Variants in AUH observed in about 807,000 individuals in gnomAD.
AUH encodes the protein methylglutaconyl-CoA hydratase, mitochondrial.
AUH carries 29 observed loss-of-function variants against 42.3 expected under a neutral mutation model. The observed-to-expected ratio is 0.69, with a 90% CI of 0.51 to 0.93. The LOEUF (loss-of-function observed/expected upper bound fraction) is 0.93, where lower values mean the gene tolerates loss of function less well. AUH is among the 40% of genes least tolerant of loss of function. The pLI, the probability that AUH is intolerant of heterozygous loss-of-function variation, is 0.00. For missense variants in AUH, 452 were observed against 438.1 expected (o/e 1.03, Z -0.28); for synonymous variants, 174 against 166.4 (o/e 1.05, Z -0.35).
chr9:91,236,579 G>C (rs1395246582), intron 6 of AUH, among the ~76,000 whole-genome samples: 3 of 152,194 alleles, frequency 2.0e-5, no homozygotes, highest in African/African-American at 7.2e-5. Flanking sequence ...AGTGAGGTCT[G>C]AACAGAACTG....
intron 3 of AUH, among the ~76,000 whole-genome samples, chr9:91,327,382 T>C (rs927795568): frequency 6.6e-6 from 1 of 152,154 alleles, no homozygotes; most frequent in African/African-American, 2.4e-5. Flanking sequence ...CTCACTCTCT[T>C]GATTGGTTCC....
At chr9:91,357,015 G>A (rs1195431939) in intron 1 of AUH, among the ~76,000 whole-genome samples, 2 of 152,170 alleles carry the variant, frequency 1.3e-5, no homozygotes, top group South Asian at 2.1e-4. Context: ...ACATGCCTTC[G>A]CTGTGCAAGA....
At chr9:91,339,087 T>A (rs1830911312) in intron 3 of AUH, among the ~76,000 whole-genome samples, 1 of 152,238 alleles carries the variant, frequency 6.6e-6, no homozygotes, top group African/African-American at 2.4e-5. Context: ...TGTTTAGTAT[T>A]GTATATTACA....
At chr9:91,361,054 C>T (rs1341581644) in intron 1 of AUH, among the ~76,000 whole-genome samples, 1 of 152,204 alleles carries the variant, frequency 6.6e-6, no homozygotes, top group African/African-American at 2.4e-5. Context: ...CCATACCATC[C>T]ACATTCTTAT....
intron 6 of AUH, among the ~76,000 whole-genome samples, chr9:91,271,570 C>A (rs298726): frequency 2.3e-3 from 357 of 152,306 alleles, no homozygotes; most frequent in Non-Finnish European, 4.4e-3. Flanking sequence ...GGAAAGAAGA[C>A]TACGTTTAGT....
chr9:91,312,766 A>G (rs1828804729), intron 4 of AUH, among the ~76,000 whole-genome samples: 2 of 152,264 alleles, frequency 1.3e-5, no homozygotes, highest in Admixed American at 1.3e-4. Flanking sequence ...AAAATTTAAC[A>G]ATCACCTGGA....
chr9:91,346,257 G>A (rs1398684199), intron 3 of AUH, among the ~76,000 whole-genome samples: 1 of 152,066 alleles, frequency 6.6e-6, no homozygotes, highest in African/African-American at 2.4e-5. Flanking sequence ...ACACCTTCAG[G>A]GAGTGAGAGG....
At chr9:91,258,397 G>A (rs188041064) in intron 6 of AUH, among the ~76,000 whole-genome samples, 3 of 152,138 alleles carry the variant, frequency 2.0e-5, no homozygotes, top group African/African-American at 7.2e-5. Flanking sequence ...CACCACACCT[G>A]GCTAATTTTT....
chr9:91,331,988 T>C (rs1830360700), intron 3 of AUH, among the ~76,000 whole-genome samples: 1 of 152,238 alleles, frequency 6.6e-6, no homozygotes, highest in African/African-American at 2.4e-5. Flanking sequence ...AACCTTTTTG[T>C]TCCTATTATT....
At chr9:91,236,240 G>A (rs1828169774) in intron 6 of AUH, among the ~76,000 whole-genome samples, 1 of 140,400 alleles carries the variant, frequency 7.1e-6, no homozygotes, top group Admixed American at 7.5e-5. Context: ...GCAATTTCTA[G>A]CTAACTGGTG....
intron 6 of AUH, among the ~76,000 whole-genome samples, chr9:91,233,479 C>G (rs1241516019): frequency 6.6e-6 from 1 of 152,126 alleles, no homozygotes; most frequent in East Asian, 1.9e-4. Context: ...AGAGCATCTT[C>G]TGAGAAACAG....
At chr9:91,331,006 T>C (rs1173408660) in intron 3 of AUH, among the ~76,000 whole-genome samples, 4 of 152,192 alleles carry the variant, frequency 2.6e-5, no homozygotes, top group African/African-American at 9.6e-5. Flanking sequence ...ATTTTCTGTA[T>C]GTCCACATTA....
intron 6 of AUH, among the ~76,000 whole-genome samples, chr9:91,237,857 G>A (rs1828281894): frequency 6.6e-6 from 1 of 152,106 alleles, no homozygotes; most frequent in Non-Finnish European, 1.5e-5. Context: ...TAACGCTTTT[G>A]CTCACATCAT....
At chr9:91,339,614 C>T (rs773099297) in intron 3 of AUH, among the ~76,000 whole-genome samples, 8 of 152,188 alleles carry the variant, frequency 5.3e-5, no homozygotes, top group Non-Finnish European at 8.8e-5. Context: ...TTTCTTAGGT[C>T]TGTCTTGAGA....
chr9:91,351,763 G>A (rs181707330), intron 3 of AUH, among the ~76,000 whole-genome samples: 5 of 152,282 alleles, frequency 3.3e-5, no homozygotes, highest in African/African-American at 9.6e-5. Flanking sequence ...TAGGTTGCAC[G>A]CTCCTTATGA....
intron 6 of AUH, among the ~76,000 whole-genome samples, chr9:91,267,769 G>C (rs1049767391): frequency 6.6e-6 from 1 of 152,114 alleles, no homozygotes. Context: ...GGCAGGCAGG[G>C]CAGAAAGGTG....
chr9:91,221,331 A>G (rs1248508040), intron 6 of AUH, among the ~76,000 whole-genome samples: 1 of 152,202 alleles, frequency 6.6e-6, no homozygotes, highest in Non-Finnish European at 1.5e-5. Context: ...ACCAGCCAGT[A>G]AGTCCACTGA....
At chr9:91,248,784 A>T (rs530276548) in intron 6 of AUH, among the ~76,000 whole-genome samples, 1 of 152,330 alleles carries the variant, frequency 6.6e-6, no homozygotes, top group Admixed American at 6.5e-5. Flanking sequence ...AGGATGAACA[A>T]AAGGATGTGA....
At chr9:91,229,751 G>C (rs1182912298) in intron 6 of AUH, among the ~76,000 whole-genome samples, 5 of 150,974 alleles carry the variant, frequency 3.3e-5, no homozygotes, top group African/African-American at 9.7e-5. Context: ...GGCAGGCCTG[G>C]TGGTGACAAA....
Sources: allele counts gnomAD v4.1 joint callset (sites outside exome capture counted in the v4.1 genomes callset), GRCh38; gene constraint gnomAD v4.1.1; transcripts MANE v1.5; gene names NCBI Gene and HGNC (gene_info 2026-07-23, HGNC 2026-07-21).